The following STRN4 variants were observed in gnomAD, a reference collection of about 807,000 sequenced individuals.
STRN4 encodes striatin-4.
STRN4 carries 27 observed loss-of-function variants against 77.9 expected under a neutral mutation model. The ratio of observed to expected loss-of-function variants is 0.35; its 90% confidence interval spans 0.26 to 0.48. The LOEUF (loss-of-function observed/expected upper bound fraction) is 0.48, where lower values mean the gene tolerates loss of function less well. Ranked by LOEUF, STRN4 falls within the 20% of genes least tolerant of loss-of-function variation. The pLI is 0.99. For synonymous variants in STRN4, 466 were observed against 443.1 expected (o/e 1.05, Z -0.65); for missense variants, 798 against 1,049.7 (o/e 0.76, Z 3.31).
chr19:46,728,466 G>C (rs1252669883), intron 7 of STRN4, 152 bp downstream of exon 7: 7 of 1,069,732 alleles, frequency 6.5e-6, no homozygotes, highest in Non-Finnish European at 9.1e-6. Flanking sequence ...CCATGACCTG[G>C]GCCTCCTGCT....
At chr19:46,726,525 A>G (rs2054119234) in intron 9 of STRN4, among the ~76,000 whole-genome samples, 1 of 149,224 alleles carries the variant, frequency 6.7e-6, no homozygotes, top group Non-Finnish European at 1.5e-5. Context: ...AGAGGTTGAG[A>G]GGCCAGGAAG....
intron 4 of STRN4, among the ~76,000 whole-genome samples, chr19:46,735,837 G>A (rs1164888942): frequency 2.6e-5 from 4 of 151,578 alleles, no homozygotes; most frequent in South Asian, 4.2e-4. Flanking sequence ...GGTGGTGCAC[G>A]CCTGTAATCC....
In STRN4 at chr19:46,733,390, T is replaced by C. The variant is rs1440217102; in HGVS notation, c.540-154A>G. 1.5e-6 allele frequency: 1 copy of C among 677,126 alleles called. No individual in the cohort carries two copies. The highest frequency in any genetic ancestry group is 2.5e-6 in the Non-Finnish European group (1 of 397,004). The allele number at this position is 677,126 out of a possible 1,614,324, so 41.9% of individuals were successfully genotyped here. ...ACACCCTCGCTCCAGCAGTTCCCCG[T>C]CAAGGCTATTTCCAGTGGAAGCCCT... On this transcript the variant is annotated intron_variant, in intron 4 of 17. Coordinates refer to ENST00000263280, the MANE Select transcript of STRN4 (RefSeq NM_013403.3). The surrounding 1 kb of genome is among the most constrained non-coding windows in gnomAD (Gnocchi z 4.3).
chr19:46,728,249 G>C (rs1053666598), intron 7 of STRN4: 1 of 631,390 alleles, frequency 1.6e-6, no homozygotes, highest in African/African-American at 1.8e-5. Context: ...TATCCTGAGA[G>C]CCCTCCTAGC....
intron 14 of STRN4, 23 bp downstream of exon 14, chr19:46,722,787 T>C (rs1158313269): frequency 1.9e-6 from 3 of 1,612,574 alleles, no homozygotes; most frequent in Admixed American, 1.7e-5. Flanking sequence ...ACCAATTCCA[T>C]GAGCTGATGT....
chr19:46,732,834 C>T (rs2054282789), intron 5 of STRN4: 1 of 612,200 alleles, frequency 1.6e-6, no homozygotes, highest in South Asian at 2.1e-5. Flanking sequence ...GAGGCCATGG[C>T]GAAGTGTGTG....
At chr19:46,724,559 A>G (rs2054061389) in intron 12 of STRN4, among the ~76,000 whole-genome samples, 1 of 152,200 alleles carries the variant, frequency 6.6e-6, no homozygotes, top group Non-Finnish European at 1.5e-5. Context: ...TGCCTTCTGG[A>G]CGCCGGCTCA....
chr19:46,736,804 C>T lies in STRN4; in HGVS notation c.539+19G>A. On this transcript the variant is annotated intron_variant, in intron 4 of 17. Coordinates refer to ENST00000263280, the MANE Select transcript of STRN4 (RefSeq NM_013403.3). ...AAACGTGTCACGTGTCCCCAGCCCC[C>T]CTCCCCGAGCACACTCACTGTCGGA... The T allele has an allele frequency of 2.5e-6, 4 of 1,611,672 alleles. No individual in the cohort carries two copies. The South Asian group carries it at 4.4e-5, about 18-fold the overall frequency.
intron 1 of STRN4, among the ~76,000 whole-genome samples, chr19:46,744,885 C>T (rs1352671850): frequency 1.3e-5 from 2 of 152,072 alleles, no homozygotes; most frequent in Non-Finnish European, 2.9e-5. Context: ...CATGGTCCTC[C>T]AGTCACTGCC....
chr19:46,737,701 A>T (rs1321486551), intron 3 of STRN4, among the ~76,000 whole-genome samples: 1 of 152,192 alleles, frequency 6.6e-6, no homozygotes, highest in East Asian at 1.9e-4. Flanking sequence ...CTAAGGGACC[A>T]GAGGGTAGAG....
At chr19:46,742,763 A>G (rs1005164237) in intron 1 of STRN4, among the ~76,000 whole-genome samples, 2 of 152,114 alleles carry the variant, frequency 1.3e-5, no homozygotes, top group African/African-American at 4.8e-5. Context: ...GGGTTTCACC[A>G]TATCGGCCAC....
chr19:46,733,149 G>A lies in STRN4; in HGVS notation c.627C>T (p.Leu209=). 5 of 1,612,010 alleles carry A rather than the reference G, an allele frequency of 3.1e-6. No homozygotes were observed. Among genetic ancestry groups the A allele is most frequent in the Non-Finnish European group, 4.2e-6 (5 of 1,179,992 alleles). Residue 209 remains leucine, a synonymous_variant, in exon 5 of 18, where the codon CTC becomes CTT. Transcript: ENST00000263280. This position sits in a 1 kb window ranked among gnomAD's most constrained non-coding sequence, Gnocchi z 4.3. ...VRSLLGRSLE[L]NGAVEPSEGA... is the part of the protein sequence containing the mutation. ...CTTCACTCGGCTCCACTGCCCCGTT[G>A]AGCTCCAGCGAGCGGCCCAGCAGGG...
rs2054588503 is a variant in STRN4 at position 46,746,034 on chromosome 19, C to G, written c.282+115G>C. Reference sequence around the variant, plus strand: ...GGGACCGTCGCGGTCCCCTCCCGCCCCCCCGCCGGCCGTCCCGGCGGCCAT... The same window carrying G: ...GGGACCGTCGCGGTCCCCTCCCGCCGCCCCGCCGGCCGTCCCGGCGGCCAT... On this transcript the variant is annotated intron_variant, in intron 1 of 17. Transcript: ENST00000263280. The G allele has an allele frequency of 6.6e-6, 8 of 1,219,594 alleles. 1 individual carries two copies. Among genetic ancestry groups the G allele is most frequent in the South Asian group, 4.5e-5 (2 of 44,854 alleles). 75.5% of individuals were successfully genotyped at this position (1,219,594 alleles called of 1,614,324 possible).
intron 1 of STRN4, among the ~76,000 whole-genome samples, chr19:46,740,831 C>A (rs796339283): frequency 1.3e-5 from 2 of 152,018 alleles, no homozygotes; most frequent in African/African-American, 2.4e-5. Context: ...GACCCCATTG[C>A]GGGAGCGAAG....
chr19:46,724,762 A>G (rs1253641736), intron 12 of STRN4, 45 bp downstream of exon 12: 2 of 1,613,284 alleles, frequency 1.2e-6, no homozygotes, highest in South Asian at 1.1e-5. Context: ...GGGGACGGCC[A>G]GGCCCCAGTG....
chr19:46,739,963 A>G (rs2054444751), intron 1 of STRN4, among the ~76,000 whole-genome samples: 1 of 152,126 alleles, frequency 6.6e-6, no homozygotes, highest in East Asian at 1.9e-4. Context: ...GGGAGGTAGG[A>G]TCCCTTGGAG....
intron 1 of STRN4, chr19:46,739,321 T>A (rs1287703942): frequency 5.4e-6 from 1 of 184,524 alleles, no homozygotes; most frequent in Non-Finnish European, 1.2e-5. Context: ...AGAGCATCTG[T>A]CTCTGGGAGG....
intron 1 of STRN4, among the ~76,000 whole-genome samples, chr19:46,744,200 C>A (rs1450439336): frequency 6.6e-6 from 1 of 152,128 alleles, no homozygotes; most frequent in Admixed American, 6.5e-5. Flanking sequence ...ACTGCCTCTG[C>A]CTACATCACA....
chr19:46,734,572 T>G (rs2054319934), intron 4 of STRN4, among the ~76,000 whole-genome samples: 1 of 152,228 alleles, frequency 6.6e-6, no homozygotes, highest in South Asian at 2.1e-4. Flanking sequence ...CATTATATGT[T>G]GGGTTTTTTT....
Sources: allele counts gnomAD v4.1 joint callset (sites outside exome capture counted in the v4.1 genomes callset), GRCh38; gene constraint gnomAD v4.1.1; non-coding constraint Gnocchi (gnomAD v3.1); transcripts MANE v1.5; gene names NCBI Gene and HGNC (gene_info 2026-07-23, HGNC 2026-07-21).